The following NIPAL4 variants were observed in gnomAD, a reference collection of about 807,000 sequenced individuals.
NIPAL4 encodes the protein magnesium transporter NIPA4.
A neutral mutation model predicts 31.6 loss-of-function variants in NIPAL4; 21 were observed. The observed-to-expected ratio is 0.67, with a 90% CI of 0.47 to 0.96. The LOEUF (loss-of-function observed/expected upper bound fraction) is 0.96. Among genes scored for constraint, NIPAL4 ranks in the 40% least tolerant of loss-of-function variants. NIPAL4 has a pLI of 0.00. For synonymous variants in NIPAL4, 175 were observed against 211.1 expected (o/e 0.83, Z 1.48); for missense variants, 438 against 508.0 (o/e 0.86, Z 1.32).
Position 157,473,133 on chromosome 5 carries a change from A to G in NIPAL4, c.*173A>G, listed in dbSNP as rs2113671260. The G allele has an allele frequency of 4.0e-6, 2 of 501,746 alleles. No homozygotes were observed. The highest frequency in any genetic ancestry group is 6.7e-6 in the Non-Finnish European group (2 of 300,018). The allele number at this position is 501,746 out of a possible 1,614,324, so 31.1% of individuals were successfully genotyped here. On this transcript the variant is annotated 3_prime_UTR_variant, in exon 6 of 6. Transcript: ENST00000311946. ...GAGAAAAATCTTTACCCAAATAGCA[A>G]TGGTGGCAGAACTTCCTGGAAACAG...
chr5:157,462,388 C>T (rs1354512432), intron 1 of NIPAL4, among the ~76,000 whole-genome samples: 1 of 152,112 alleles, frequency 6.6e-6, no homozygotes, highest in Non-Finnish European at 1.5e-5. Flanking sequence ...CACGGTGGCT[C>T]ACGTCTGTAA....
In NIPAL4 at chr5:157,471,672, A is replaced by G. The variant is rs773199124; in HGVS notation, c.441A>G (p.Ser147=). ...LSVLISAILS[S]YFLRESLNLL... The stretch of plus-strand genomic sequence containing the variant: ...CCACGTGCAGTGCCATCCTCTCCTC[A>G]TATTTCCTGAGGGAGAGTCTGAACC... Residue 147 remains serine (S), a synonymous_variant, in exon 5 of 6, where the codon TCA becomes TCG. Transcript: ENST00000311946. The G allele has an allele frequency of 1.3e-5, 21 of 1,608,204 alleles. No homozygotes were observed. Among genetic ancestry groups the G allele is most frequent in the Non-Finnish European group, 1.7e-5 (20 of 1,177,384 alleles).
chr5:157,470,900 A>T (rs1409642510), intron 4 of NIPAL4, among the ~76,000 whole-genome samples: 4 of 152,198 alleles, frequency 2.6e-5, no homozygotes, highest in African/African-American at 9.7e-5. Context: ...GTTAGACAAG[A>T]GCATTTTGAA....
chr5:157,460,371 GGCTGGGGACCAGGCGGGCTCCGC>G lies in NIPAL4; in HGVS notation c.37+18_37+40del. 6.5e-7 allele frequency: 1 copy of G among 1,540,610 alleles called. No individual in the cohort carries two copies. ...GCTGCGAGAACGGTGCGTACGGCAG[GGCTGGGGACCAGGCGGGCTCCGC>G]GCTTCGCGCCCTCCCCTCCTTGCCA... On this transcript the variant is annotated intron_variant, in intron 1 of 5. Coordinates refer to ENST00000311946, the MANE Select transcript of NIPAL4 (RefSeq NM_001099287.2).
chr5:157,464,715 G>T (rs142669357), intron 2 of NIPAL4, among the ~76,000 whole-genome samples: 36 of 152,122 alleles, frequency 2.4e-4, no homozygotes, highest in African/African-American at 6.8e-4. Context: ...GTAGAAGGAG[G>T]GACAGGTTTA....
At chr5:157,472,311 C>T in intron 5 of NIPAL4, 21 bp from the exon 6 acceptor site, 1 of 1,581,230 alleles carries the variant, frequency 6.3e-7, no homozygotes. Context: ...CCAAGTGATC[C>T]TTCTCTCTCT....
rs1754157462 is a variant in NIPAL4 at position 157,463,209 on chromosome 5, G to A, written c.153G>A (p.Arg51=). 1 of 1,614,042 alleles carries A rather than the reference G, an allele frequency of 6.2e-7. No homozygotes were observed. The highest frequency in any genetic ancestry group is 8.5e-7 in the Non-Finnish European group (1 of 1,179,904). Residue 51 remains arginine, a synonymous_variant, in exon 2 of 6, where the codon AGG becomes AGA. Coordinates refer to ENST00000311946, the MANE Select transcript of NIPAL4 (RefSeq NM_001099287.2). ...TTCACAGCTGGCAGGAAAGAATCAG[G>A]CAGAACTATGGCTTCTACATCGGCC... The part of the protein sequence containing the change: ...ATFHSWQERI[R]QNYGFYIGLG...
chr5:157,472,392 C>G lies in NIPAL4; in HGVS notation c.647C>G (p.Ala216Gly). 6.2e-7 allele frequency: 1 copy of G among 1,612,778 alleles called. No individual in the cohort carries two copies. The highest frequency in any genetic ancestry group is 8.5e-7 in the Non-Finnish European group (1 of 1,179,344). Residue 216 changes from alanine to glycine, a missense_variant, in exon 6 of 6, where the codon GCC (alanine) becomes GGC (glycine). Transcript: ENST00000311946. The stretch of plus-strand genomic sequence containing the variant: ...TGCCTCATCCTCATCTTTGTCATTG[C>G]CCCACGTTACGGGCAAAGGAATATC... ...VSCLILIFVI[A>G]PRYGQRNILI... is the part of the protein sequence containing the mutation.
rs544207443 is a variant in NIPAL4, at chr5:157,461,367, A to G, written c.37+1010A>G. On this transcript the variant is annotated intron_variant, in intron 1 of 5. Transcript: ENST00000311946. ...CACTGCAGTGGGAGAACTTGACTCAATGGAGGATGCTCAGCCCTTGGGTGT... is the reference window on the plus strand; with the variant it reads ...CACTGCAGTGGGAGAACTTGACTCAGTGGAGGATGCTCAGCCCTTGGGTGT... Among the ~76,000 whole-genome samples, 41 of 152,328 alleles carry G rather than the reference A, an allele frequency of 2.7e-4. No individual in the cohort carries two copies. The South Asian group carries it at 7.0e-3, about 26-fold the overall frequency.
rs1754475315 is a variant in NIPAL4 at position 157,472,709 on chromosome 5, G to C, written c.964G>C (p.Ala322Pro). The C allele has an allele frequency of 1.2e-6, 2 of 1,613,876 alleles. No individual in the cohort carries two copies. The highest frequency in any genetic ancestry group is 2.7e-5 in the African/African-American group (2 of 74,922). ...CTTCAAGGAGTGGTACAGCATGTCT[G>C]CTGTGGACATTGCAGGCACCCTCTC... ...ILFKEWYSMSAVDIAGTLSGF... is the reference protein window; with the variant it reads ...ILFKEWYSMSPVDIAGTLSGF... Residue 322 changes from alanine (A) to proline (P), a missense_variant, in exon 6 of 6, where the codon GCT becomes CCT. Coordinates refer to ENST00000311946, the MANE Select transcript of NIPAL4 (RefSeq NM_001099287.2).
At position 157,463,338 on chromosome 5, in the gene NIPAL4, G is replaced by A. The variant is rs376074083; in HGVS notation, c.277+5G>A. The A allele has an allele frequency of 2.8e-5, 45 of 1,603,526 alleles. No individual in the cohort carries two copies. The highest frequency in any genetic ancestry group is 3.7e-5 in the Non-Finnish European group (43 of 1,174,126). ...CCACGGGAGCCACTCGAGCTGGTAG[G>A]TTCCTGGGCCAGGAGAGGATAGGGC... On this transcript the variant is annotated splice_donor_5th_base_variant and intron_variant, in intron 2 of 5. Coordinates refer to ENST00000311946, the MANE Select transcript of NIPAL4 (RefSeq NM_001099287.2).
In NIPAL4 at chr5:157,460,362, G is replaced by A. The variant is rs1452328130; in HGVS notation, c.37+5G>A. 2.6e-6 allele frequency: 4 copies of A among 1,543,460 alleles called. No individual in the cohort carries two copies. The highest frequency in any genetic ancestry group is 2.6e-6 in the Non-Finnish European group (3 of 1,145,228). On this transcript the variant is annotated splice_donor_5th_base_variant and intron_variant, in intron 1 of 5. Coordinates refer to ENST00000311946, the MANE Select transcript of NIPAL4 (RefSeq NM_001099287.2). Reference sequence around the variant, plus strand: ...GCAACACCAGCTGCGAGAACGGTGCGTACGGCAGGGCTGGGGACCAGGCGG... The same window carrying A: ...GCAACACCAGCTGCGAGAACGGTGCATACGGCAGGGCTGGGGACCAGGCGG...
At chr5:157,467,246 A>G (rs942482295) in intron 3 of NIPAL4, 141 bp downstream of exon 3, 1 of 685,118 alleles carries the variant, frequency 1.5e-6, no homozygotes, top group African/African-American at 1.8e-5. Context: ...AAACCTTGAC[A>G]ACCTTTACAG....
At chr5:157,462,103 G>A (rs1459335891) in intron 1 of NIPAL4, among the ~76,000 whole-genome samples, 1 of 152,174 alleles carries the variant, frequency 6.6e-6, no homozygotes, top group Non-Finnish European at 1.5e-5. Context: ...GCTTGAAAAA[G>A]GCTACCTCCA....
At chr5:157,464,078 G>A (rs1293615175) in intron 2 of NIPAL4, among the ~76,000 whole-genome samples, 1 of 152,080 alleles carries the variant, frequency 6.6e-6, no homozygotes, top group Non-Finnish European at 1.5e-5. Flanking sequence ...TATTTTGGAG[G>A]GGTGTGTAAA....
chr5:157,471,429 G>A (rs986914608), intron 4 of NIPAL4, among the ~76,000 whole-genome samples: 23 of 152,146 alleles, frequency 1.5e-4, no homozygotes, highest in Non-Finnish European at 2.1e-4. Flanking sequence ...AATGTCTCCC[G>A]TGGATATTAT....
intron 2 of NIPAL4, among the ~76,000 whole-genome samples, chr5:157,463,558 A>C (rs1754170283): frequency 6.6e-6 from 1 of 152,216 alleles, no homozygotes; most frequent in Non-Finnish European, 1.5e-5. Context: ...TTTAGAATCC[A>C]ATCTTTCCTG....
chr5:157,462,858 G>A (rs1215248549), intron 1 of NIPAL4, among the ~76,000 whole-genome samples: 1 of 152,204 alleles, frequency 6.6e-6, no homozygotes, highest in African/African-American at 2.4e-5. Flanking sequence ...GTCTGCCCTT[G>A]TGCCCAGGTT....
Position 157,472,332 on chromosome 5 carries a change from G to C in NIPAL4, c.587G>C (p.Gly196Ala). The C allele has an allele frequency of 1.9e-6, 3 of 1,598,344 alleles. No individual in the cohort carries two copies. Among genetic ancestry groups the C allele is most frequent in the Non-Finnish European group, 2.6e-6 (3 of 1,174,356 alleles). ...MEMASKMKDTGFIVFAVLLLV... is the reference protein window; with the variant it reads ...MEMASKMKDTAFIVFAVLLLV... The stretch of plus-strand genomic sequence containing the variant: ...GATCCTTCTCTCTCTCCTCCCAAAG[G>C]GTTCATCGTGTTTGCTGTGCTTCTG... The change falls in exon 6 of 6, where the codon GGG (glycine) becomes GCG (alanine). Residue 196 changes from glycine (G) to alanine (A), a missense_variant and splice_region_variant. Coordinates refer to ENST00000311946, the MANE Select transcript of NIPAL4 (RefSeq NM_001099287.2).
Sources: allele counts gnomAD v4.1 joint callset (sites outside exome capture counted in the v4.1 genomes callset), GRCh38; gene constraint gnomAD v4.1.1; transcripts MANE v1.5; gene names NCBI Gene and HGNC (gene_info 2026-07-23, HGNC 2026-07-21).